The following METAP2 variants were observed in gnomAD, a reference collection of about 807,000 sequenced individuals.
METAP2 encodes the protein methionyl aminopeptidase 2.
In METAP2, 25 loss-of-function variants were observed where a neutral mutation model predicts 59.4. That is an observed-to-expected ratio of 0.42 (90% CI 0.31 to 0.59). The LOEUF is 0.59. Ranked by LOEUF, METAP2 falls within the 20% of genes least tolerant of loss-of-function variation. The pLI is 0.16. For synonymous variants in METAP2, 214 were observed against 194.1 expected (o/e 1.10, Z -0.85); for missense variants, 366 against 581.2 (o/e 0.63, Z 3.81).
chr12:95,512,865 T>C lies in METAP2; in HGVS notation c.1133T>C (p.Met378Thr). The C allele has an allele frequency of 6.2e-7, 1 of 1,613,476 alleles. No homozygotes were observed. Among genetic ancestry groups the C allele is most frequent in the Non-Finnish European group, 8.5e-7 (1 of 1,179,524 alleles). Residue 378 changes from methionine to threonine, a missense_variant, in exon 10 of 11, where the codon ATG becomes ACG. Physicochemically the swap from Met to Thr is moderately conservative, Grantham distance 81. Around this residue, in one of 4 missense-constraint regions of METAP2, gnomAD observed 82 missense variants for 156.2 expected, o/e 0.52. Coordinates refer to ENST00000323666, the MANE Select transcript of METAP2 (RefSeq NM_006838.4). ...GGAAAAGGTGTTGTTCATGATGATA[T>C]GGAATGTTCACATTACATGAAAAAT... is the stretch of plus-strand genomic sequence containing the variant. ...STGKGVVHDD[M>T]ECSHYMKNFD...
chr12:95,501,587 C>T (rs568212941), intron 7 of METAP2, among the ~76,000 whole-genome samples: 36 of 152,042 alleles, frequency 2.4e-4, no homozygotes, highest in South Asian at 1.0e-3. Flanking sequence ...TAGTGGCATG[C>T]GCCTGTAGTC....
intron 7 of METAP2, among the ~76,000 whole-genome samples, chr12:95,503,697 C>G (rs987947867): frequency 6.6e-6 from 1 of 152,154 alleles, no homozygotes; most frequent in African/African-American, 2.4e-5. Flanking sequence ...CACGAGCCAA[C>G]CATGAGTTTA....
At chr12:95,497,230 A>G (rs1015613828) in intron 7 of METAP2, among the ~76,000 whole-genome samples, 2 of 152,134 alleles carry the variant, frequency 1.3e-5, no homozygotes, top group Non-Finnish European at 2.9e-5. Context: ...CTGAAACTCT[A>G]TACTCATTAA....
At chr12:95,504,471 T>C (rs545208631) in intron 8 of METAP2, among the ~76,000 whole-genome samples, 2 of 152,284 alleles carry the variant, frequency 1.3e-5, no homozygotes, top group East Asian at 3.9e-4. Flanking sequence ...TGACTTCTCA[T>C]TGTGATTTTT....
At position 95,514,851 on chromosome 12, in the gene METAP2, G is replaced by A. The variant is rs2076434616; in HGVS notation, c.*947G>A. ...ATTCTTGGACTTTTTCATTCATGAGGCAAATGCTGTAATACCTTCCCCTTT... is the reference window on the plus strand; with the variant it reads ...ATTCTTGGACTTTTTCATTCATGAGACAAATGCTGTAATACCTTCCCCTTT... On this transcript the variant is annotated 3_prime_UTR_variant, in exon 11 of 11. Transcript: ENST00000323666. 6.6e-6 allele frequency: 1 copy of A among 150,480 alleles called. No individual in the cohort carries two copies. Among genetic ancestry groups the A allele is most frequent in the African/African-American group, 2.5e-5 (1 of 39,860 alleles). The allele number at this position is 150,480 out of a possible 1,614,324, so 9.3% of individuals were successfully genotyped here.
Position 95,512,750 on chromosome 12 carries a change from C to T in METAP2, c.1069-51C>T, listed in dbSNP as rs142816407. ...AGAAAGAGAGATGGTAATTGTGATT[C>T]GTTCTGAATTTTTCTTCTTTCTCTC... On this transcript the variant is annotated intron_variant, in intron 9 of 10. Coordinates refer to ENST00000323666, the MANE Select transcript of METAP2 (RefSeq NM_006838.4). The T allele has an allele frequency of 2.2e-4, 208 of 964,190 alleles. No homozygotes were observed. The African/African-American group carries it at 3.0e-3, about 14-fold the overall frequency. The allele number at this position is 964,190 out of a possible 1,614,324, so 59.7% of individuals were successfully genotyped here.
intron 1 of METAP2, 134 bp downstream of exon 1, chr12:95,474,464 AGCCGG>A: frequency 1.1e-6 from 1 of 920,364 alleles, no homozygotes; most frequent in Non-Finnish European, 1.6e-6. Flanking sequence ...AGGGTGGCAA[AGCCGG>A]GCTATAGATT....
chr12:95,497,554 C>T (rs1410817352), intron 7 of METAP2, among the ~76,000 whole-genome samples: 2 of 152,168 alleles, frequency 1.3e-5, no homozygotes, highest in East Asian at 1.9e-4. Context: ...ATAGATACCT[C>T]TTCAAGGTCT....
At chr12:95,513,007 A>G in intron 10 of METAP2, 91 bp downstream of exon 10, 1 of 720,348 alleles carries the variant, frequency 1.4e-6, no homozygotes, top group Non-Finnish European at 2.4e-6. Context: ...CATACAAAAT[A>G]GTATATTCAT....
In METAP2 at chr12:95,491,621, G is replaced by A. The variant is rs544593561; in HGVS notation, c.429-2435G>A. On this transcript the variant is annotated intron_variant, in intron 4 of 10. Coordinates refer to ENST00000323666, the MANE Select transcript of METAP2 (RefSeq NM_006838.4). ...TGCCTCCCAGGCTCAAGCAGTTCTC[G>A]TGCCTGAGCCTCCCGAGTAGCTGGG... 5.3e-5 allele frequency among the ~76,000 whole-genome samples: 8 copies of A among 149,686 alleles called. No homozygotes were observed. The South Asian group carries it at 6.4e-4, about 12-fold the overall frequency.
chr12:95,515,763 G>A lies in METAP2; in HGVS notation c.*1859G>A, dbSNP rs1371831047. On this transcript the variant is annotated 3_prime_UTR_variant, in exon 11 of 11. Transcript: ENST00000323666. ...CTTAAAATTTTGTTATGTTTACAAC[G>A]ATGTACCTTATTGGCAACAAGTTAT... 6.6e-6 allele frequency: 1 copy of A among 152,122 alleles called. No individual in the cohort carries two copies. Among genetic ancestry groups the A allele is most frequent in the Non-Finnish European group, 1.5e-5 (1 of 68,032 alleles). 9.4% of individuals were successfully genotyped at this position (152,122 alleles called of 1,614,324 possible). A position where few individuals can be genotyped will look rare whatever the true frequency, so the allele number is the denominator to read the frequency against.
intron 7 of METAP2, among the ~76,000 whole-genome samples, chr12:95,499,461 G>A (rs1380799599): frequency 6.6e-6 from 1 of 151,796 alleles, no homozygotes; most frequent in African/African-American, 2.4e-5. Context: ...TTTGATTACT[G>A]TAGCTTTGTT....
chr12:95,479,896 A>G (rs1443585142), intron 2 of METAP2, among the ~76,000 whole-genome samples: 1 of 152,230 alleles, frequency 6.6e-6, no homozygotes, highest in Non-Finnish European at 1.5e-5. Flanking sequence ...GGCGTGAGCC[A>G]CCATACCTGG....
chr12:95,511,914 A>G lies in METAP2; in HGVS notation c.984A>G (p.Leu328=), dbSNP rs753635702. The change falls in exon 9 of 11, where the codon CTA becomes CTG. Residue 328 remains leucine, a synonymous_variant. Transcript: ENST00000323666. ...TAACAGTGAAACCAATCCGTAATCT[A>G]AATGGACATTCAATTGGGCAATATA... ...KTYQVKPIRN[L]NGHSIGQYRI... 1.2e-6 allele frequency: 2 copies of G among 1,610,044 alleles called. No individual in the cohort carries two copies. Among genetic ancestry groups the G allele is most frequent in the Admixed American group, 3.4e-5 (2 of 59,630 alleles).
At chr12:95,512,701 A>G (rs1370339865) in intron 9 of METAP2, 100 bp from the exon 10 acceptor site, 5 of 675,534 alleles carry the variant, frequency 7.4e-6, no homozygotes, top group Non-Finnish European at 1.3e-5. Flanking sequence ...GCAGAGAGAG[A>G]CTCTGTCTCA....
chr12:95,509,599 G>A (rs139547884), intron 8 of METAP2, among the ~76,000 whole-genome samples: 92 of 152,246 alleles, frequency 6.0e-4, no homozygotes, highest in African/African-American at 1.9e-3. Flanking sequence ...TCATTATCAG[G>A]TGTATAAGCA....
At position 95,507,864 on chromosome 12, in the gene METAP2, C is replaced by T. The variant is rs545690313; in HGVS notation, c.964+3703C>T. 2.4e-3 allele frequency among the ~76,000 whole-genome samples: 360 copies of T among 151,824 alleles called. 1 individual carries two copies. The highest frequency in any genetic ancestry group is 8.0e-3 in the African/African-American group (330 of 41,348). On this transcript the variant is annotated intron_variant, in intron 8 of 10. Transcript: ENST00000323666. The stretch of plus-strand genomic sequence containing the variant: ...CGCGATCTCGGCTCATCACAACCTC[C>T]GCCTCCCAGGTTCAAGCAGTTCTCC...
intron 7 of METAP2, among the ~76,000 whole-genome samples, chr12:95,502,295 C>T (rs2076322386): frequency 6.6e-6 from 1 of 152,134 alleles, no homozygotes; most frequent in Admixed American, 6.5e-5. Flanking sequence ...CATGAGCCAC[C>T]ACGCCTAGCC....
chr12:95,509,567 G>T (rs949069158), intron 8 of METAP2, among the ~76,000 whole-genome samples: 1 of 152,144 alleles, frequency 6.6e-6, no homozygotes, highest in Non-Finnish European at 1.5e-5. Flanking sequence ...TTTGTGCAAG[G>T]TTATGGTTTT....
Sources: gnomAD v4.1 joint callset for allele counts (sites outside exome capture counted in the v4.1 genomes callset) on GRCh38, gnomAD v4.1.1 for gene constraint, gnomAD v4.1.1 regional missense constraint, MANE v1.5 for transcripts, NCBI Gene and HGNC (gene_info 2026-07-23, HGNC 2026-07-21) for gene names.